TFPI: variants seen among roughly 807,000 people sequenced by gnomAD.
TFPI encodes tissue factor pathway inhibitor.
Under a neutral mutation model 34.6 loss-of-function variants are expected in TFPI, and 15 were observed. The ratio of observed to expected loss-of-function variants is 0.43; its 90% CI spans 0.29 to 0.67. TFPI has a LOEUF of 0.67. TFPI is among the 30% of genes least tolerant of loss of function. The pLI, the probability that TFPI is intolerant of heterozygous loss-of-function variation, is 0.15. For missense variants in TFPI, 301 were observed against 364.0 expected, an observed-to-expected ratio of 0.83 and a Z score of 1.41; for synonymous variants, 105 against 120.1, an observed-to-expected ratio of 0.87 and a Z score of 0.82.
At chr2:187,482,605 A>T (rs1201277612) in intron 6 of TFPI, among the ~76,000 whole-genome samples, 2 of 152,010 alleles carry the variant, frequency 1.3e-5, no homozygotes. Context: ...CATCCCCTTA[A>T]TGACCTCTTA....
chr2:187,490,586 T>A (rs1685051914), intron 3 of TFPI, among the ~76,000 whole-genome samples: 1 of 151,678 alleles, frequency 6.6e-6, no homozygotes, highest in African/African-American at 2.4e-5. Context: ...TCCTTTCACT[T>A]TTAATCTCTC....
intron 1 of TFPI, among the ~76,000 whole-genome samples, chr2:187,537,726 A>G (rs1162862066): frequency 6.6e-6 from 1 of 152,260 alleles, no homozygotes; most frequent in Non-Finnish European, 1.5e-5. Flanking sequence ...ACAAAAGCCA[A>G]AATTGACAAA....
intron 6 of TFPI, among the ~76,000 whole-genome samples, chr2:187,480,711 A>G (rs1272143684): frequency 6.6e-6 from 1 of 152,160 alleles, no homozygotes; most frequent in African/African-American, 2.4e-5. Context: ...CTACATGGAT[A>G]TACTCAACAC....
At chr2:187,491,388 A>G (rs377410824) in intron 3 of TFPI, among the ~76,000 whole-genome samples, 51 of 151,848 alleles carry the variant, frequency 3.4e-4, no homozygotes, top group African/African-American at 1.2e-3. Context: ...CTATTATTCT[A>G]CTATGCCCAC....
At chr2:187,527,299 C>T (rs1039013069) in intron 1 of TFPI, 19 of 152,214 alleles carry the variant, frequency 1.2e-4, no homozygotes, top group Middle Eastern at 3.4e-3. Context: ...CTAGGATCTG[C>T]AAATGGATTT....
Position 187,497,100 on chromosome 2 carries a change from T to A in TFPI, c.122-22A>T, listed in dbSNP as rs112960023. ...GTATCTATAAAGTAAAAATAAAAGA[T>A]ATAACATGTAATCTCCATCAACACT... On this transcript the variant is annotated intron_variant, in intron 2 of 7. Coordinates refer to ENST00000233156, the MANE Select transcript of TFPI (RefSeq NM_006287.6). 3 of 1,588,574 alleles carry A rather than the reference T, an allele frequency of 1.9e-6. No homozygotes were observed. The African/African-American group carries it at 4.1e-5, about 21-fold the overall frequency.
At chr2:187,481,463 A>G (rs977342642) in intron 6 of TFPI, among the ~76,000 whole-genome samples, 1 of 152,076 alleles carries the variant, frequency 6.6e-6, no homozygotes. Flanking sequence ...GTTTTAGAAC[A>G]GAGTACAGGG....
At chr2:187,503,443 T>A (rs531110007) in intron 2 of TFPI, among the ~76,000 whole-genome samples, 52 of 143,934 alleles carry the variant, frequency 3.6e-4, no homozygotes, top group Non-Finnish European at 6.4e-4. Context: ...TCGGACTGTT[T>A]AAAACACACA....
intron 1 of TFPI, among the ~76,000 whole-genome samples, chr2:187,512,881 A>G (rs1228200135): frequency 6.6e-6 from 1 of 152,192 alleles, no homozygotes; most frequent in Non-Finnish European, 1.5e-5. Flanking sequence ...ATAAGTCAGA[A>G]AGTTAACGCA....
chr2:187,521,654 C>T (rs1378958709), intron 1 of TFPI, among the ~76,000 whole-genome samples: 1 of 152,044 alleles, frequency 6.6e-6, no homozygotes, highest in Non-Finnish European at 1.5e-5. Flanking sequence ...CTGCAACCTC[C>T]ACCTCCCGGG....
At chr2:187,468,438 A>AT (rs1691844288) in intron 6 of TFPI, among the ~76,000 whole-genome samples, 1 of 152,164 alleles carries the variant, frequency 6.6e-6, no homozygotes, top group Non-Finnish European at 1.5e-5. Flanking sequence ...ATGCTGACTG[A>AT]TGTAATACAA....
chr2:187,487,675 TTTTTCTTG>T (rs1693379980), intron 4 of TFPI, among the ~76,000 whole-genome samples: 1 of 64,974 alleles, frequency 1.5e-5, no homozygotes, highest in African/African-American at 9.3e-5. Context: ...TTGATAACAT[TTTTTCTTG>T]TGCTGATATA....
At chr2:187,492,097 G>A (rs1685162000) in intron 3 of TFPI, among the ~76,000 whole-genome samples, 1 of 151,988 alleles carries the variant, frequency 6.6e-6, no homozygotes, top group African/African-American at 2.4e-5. Flanking sequence ...TTAGATATTA[G>A]TCTTTTGTCC....
At chr2:187,548,154 T>C (rs1688964225) in intron 1 of TFPI, among the ~76,000 whole-genome samples, 1 of 152,114 alleles carries the variant, frequency 6.6e-6, no homozygotes. Flanking sequence ...AATCTGCTTA[T>C]TCAAGTATAA....
intron 3 of TFPI, among the ~76,000 whole-genome samples, chr2:187,490,713 TTAATTTAATC>T (rs1332143509): frequency 6.6e-6 from 1 of 150,942 alleles, no homozygotes; most frequent in East Asian, 1.9e-4. Flanking sequence ...CCATTAAATT[TTAATTTAATC>T]TAATTATCAT....
intron 1 of TFPI, chr2:187,515,572 A>C (rs887344018): frequency 1.3e-5 from 2 of 152,166 alleles, no homozygotes; most frequent in Non-Finnish European, 2.9e-5. Flanking sequence ...CACACCCAGA[A>C]GCTGACTGGT....
chr2:187,549,411 C>G (rs1263896384), intron 1 of TFPI, among the ~76,000 whole-genome samples: 1 of 152,100 alleles, frequency 6.6e-6, no homozygotes, highest in Non-Finnish European at 1.5e-5. Context: ...TCTGCTAAAA[C>G]TCTAGGTAAA....
At chr2:187,477,838 A>G (rs750878663) in intron 6 of TFPI, among the ~76,000 whole-genome samples, 10 of 152,182 alleles carry the variant, frequency 6.6e-5, no homozygotes, top group Non-Finnish European at 8.8e-5. Context: ...TCTGGAGGTC[A>G]TACATTGAAT....
At position 187,464,507 on chromosome 2, in the gene TFPI, C is replaced by T. The variant is rs1691628169; in HGVS notation, c.*2429G>A. The stretch of plus-strand genomic sequence containing the variant: ...CATTTCAAGCCATCTCAGTATATGT[C>T]TTTCTTGAGTAAGTAGTGAACCAAT... On this transcript the variant is annotated 3_prime_UTR_variant, in exon 8 of 8. Transcript: ENST00000233156. The T allele has an allele frequency of 6.6e-6, 1 of 152,266 alleles. No homozygotes were observed. The highest frequency in any genetic ancestry group is 2.4e-5 in the African/African-American group (1 of 41,584). 9.4% of individuals were successfully genotyped at this position (152,266 alleles called of 1,614,324 possible).
Sources: allele counts gnomAD v4.1 joint callset (sites outside exome capture counted in the v4.1 genomes callset), GRCh38; gene constraint gnomAD v4.1.1; transcripts MANE v1.5; gene names NCBI Gene and HGNC (gene_info 2026-07-23, HGNC 2026-07-21).